The following DLGAP4 variants were observed in gnomAD, a reference collection of about 807,000 sequenced individuals.
The protein encoded by DLGAP4 is disks large-associated protein 4.
A neutral mutation model predicts 86.9 loss-of-function variants in DLGAP4; 18 were observed. The ratio of observed to expected loss-of-function variants is 0.21; its 90% confidence interval spans 0.14 to 0.31. The LOEUF (loss-of-function observed/expected upper bound fraction) is 0.31. Among genes scored for constraint, DLGAP4 ranks in the 10% least tolerant of loss-of-function variants. The pLI, the probability that DLGAP4 is intolerant of heterozygous loss-of-function variation, is 1.00. For missense variants in DLGAP4, 1,085 were observed against 1,362.6 expected, an observed-to-expected ratio of 0.80 and a Z score of 3.21; for synonymous variants, 548 against 574.3, an observed-to-expected ratio of 0.95 and a Z score of 0.65.
intron 10 of DLGAP4, among the ~76,000 whole-genome samples, chr20:36,513,126 G>C (rs1433366472): frequency 1.3e-5 from 2 of 150,956 alleles, no homozygotes; most frequent in Non-Finnish European, 3.0e-5. Context: ...GTTTTACCAA[G>C]TTGCCCAGGC....
chr20:36,426,725 A>G (rs1391507696), intron 2 of DLGAP4, among the ~76,000 whole-genome samples: 3 of 152,184 alleles, frequency 2.0e-5, no homozygotes, highest in Non-Finnish European at 4.4e-5. Context: ...GGCAAATTTT[A>G]TGTTACATGT....
chr20:36,464,506 A>G (rs918821589), intron 7 of DLGAP4, among the ~76,000 whole-genome samples: 1 of 151,452 alleles, frequency 6.6e-6, no homozygotes, highest in African/African-American at 2.4e-5. Flanking sequence ...GGAGGTCGAG[A>G]CTGCAGTGAG....
At chr20:36,352,740 G>C (rs1274523174) in intron 1 of DLGAP4, among the ~76,000 whole-genome samples, 2 of 152,042 alleles carry the variant, frequency 1.3e-5, no homozygotes, top group Non-Finnish European at 1.5e-5. Context: ...TCTAGAGTTT[G>C]GGGGAGGCCA....
chr20:36,525,768 A>G, intron 11 of DLGAP4, 83 bp from the exon 12 acceptor site: 1 of 1,579,166 alleles, frequency 6.3e-7, no homozygotes, highest in Admixed American at 1.7e-5. Context: ...CAGGGCCCAG[A>G]GGAACCCTGC....
intron 1 of DLGAP4, among the ~76,000 whole-genome samples, chr20:36,310,103 G>A (rs1332291641): frequency 6.6e-6 from 1 of 151,836 alleles, no homozygotes; most frequent in African/African-American, 2.4e-5. Context: ...GGAGGCCAAG[G>A]TGGGAGGATT....
At chr20:36,322,558 G>A (rs1416914244) in intron 1 of DLGAP4, among the ~76,000 whole-genome samples, 1 of 152,168 alleles carries the variant, frequency 6.6e-6, no homozygotes, top group Non-Finnish European at 1.5e-5. Context: ...GATGAAGTGA[G>A]GTAATAAAGT....
intron 7 of DLGAP4, among the ~76,000 whole-genome samples, chr20:36,452,455 C>T (rs1170950584): frequency 6.6e-6 from 1 of 152,050 alleles, no homozygotes; most frequent in Non-Finnish European, 1.5e-5. Context: ...ACTGGGATTA[C>T]AGGTGTGAGC....
chr20:36,488,256 G>T (rs1045803654), intron 7 of DLGAP4, among the ~76,000 whole-genome samples: 2 of 151,328 alleles, frequency 1.3e-5, no homozygotes, highest in Non-Finnish European at 2.9e-5. Flanking sequence ...GTAGTGGTCA[G>T]CCTTCAGGCA....
rs2031845332 is a variant in DLGAP4 at position 36,393,341 on chromosome 20, C to T, written c.-73+26066C>T. Among the ~76,000 whole-genome samples the T allele has an allele frequency of 6.6e-6, 1 of 152,078 alleles. No homozygotes were observed. The highest frequency in any genetic ancestry group is 1.5e-5 in the Non-Finnish European group (1 of 68,000). On this transcript the variant is annotated intron_variant, in intron 2 of 12. Transcript: ENST00000339266. This position sits in a 1 kb window ranked among gnomAD's most constrained non-coding sequence, Gnocchi z 4.4. ...GGTGAGAACCCCAAGCTCTACACTC[C>T]CTCGCTGTGTGGCCTAGGGTCTCCT...
chr20:36,461,703 C>CG, intron 7 of DLGAP4: 1 of 603,370 alleles, frequency 1.7e-6, no homozygotes, highest in Non-Finnish European at 2.0e-6. Context: ...CGCCCTCGCC[C>CG]TCCTCCTCCT....
At position 36,432,469 on chromosome 20, in the gene DLGAP4, G is replaced by T. The variant is rs1370019965; in HGVS notation, c.752G>T (p.Gly251Val). The T allele has an allele frequency of 6.2e-7, 1 of 1,613,528 alleles. No individual in the cohort carries two copies. The change falls in exon 3 of 13, where the codon GGG becomes GTG. Residue 251 changes from glycine (G) to valine (V), a missense_variant. Gly to Val is a moderately radical substitution (Grantham distance 109). Coordinates refer to ENST00000339266, the MANE Select transcript of DLGAP4 (RefSeq NM_001365621.2). The surrounding 1 kb of genome is among the most constrained non-coding windows in gnomAD (Gnocchi z 6.5). Reference protein sequence around the residue: ...YFMHAYNTISGHMLKTTKNNT... With the variant: ...YFMHAYNTISVHMLKTTKNNT... Reference sequence around the variant, plus strand: ...ATGCACGCCTACAACACCATCAGTGGGCACATGCTCAAAACCACCAAGAAC... The same window carrying T: ...ATGCACGCCTACAACACCATCAGTGTGCACATGCTCAAAACCACCAAGAAC...
intron 1 of DLGAP4, among the ~76,000 whole-genome samples, chr20:36,344,852 C>T (rs1391899538): frequency 1.3e-5 from 2 of 152,166 alleles, no homozygotes; most frequent in Non-Finnish European, 2.9e-5. Context: ...AGCTAAGGGT[C>T]CCCCCTCCTT....
intron 10 of DLGAP4, among the ~76,000 whole-genome samples, chr20:36,515,704 C>T (rs753838487): frequency 5.1e-4 from 78 of 152,324 alleles, no homozygotes; most frequent in South Asian, 1.2e-3. Flanking sequence ...GAATTACAGG[C>T]GTGAGCCACT....
At chr20:36,457,982 T>C (rs1177138332) in intron 7 of DLGAP4, among the ~76,000 whole-genome samples, 1 of 151,820 alleles carries the variant, frequency 6.6e-6, no homozygotes, top group African/African-American at 2.4e-5. Flanking sequence ...TGGGAAGCGC[T>C]CCAGGCGGGG....
chr20:36,464,064 G>A (rs2034229347), intron 7 of DLGAP4, among the ~76,000 whole-genome samples: 2 of 152,174 alleles, frequency 1.3e-5, no homozygotes, highest in Non-Finnish European at 1.5e-5. Flanking sequence ...TACTGTGTAC[G>A]CTGTGCTTGG....
intron 10 of DLGAP4, among the ~76,000 whole-genome samples, chr20:36,505,826 A>C (rs139467840): frequency 4.9e-4 from 74 of 152,136 alleles, no homozygotes; most frequent in African/African-American, 1.6e-3. Flanking sequence ...CTGTTCATTA[A>C]GCAGAAGTGG....
intron 7 of DLGAP4, chr20:36,493,101 T>TAGGCC (rs568660546): frequency 4.7e-5 from 7 of 149,682 alleles, no homozygotes; most frequent in Non-Finnish European, 1.0e-4. Context: ...ATGCCAAGCC[T>TAGGCC]AGGCCTGGCC....
intron 2 of DLGAP4, among the ~76,000 whole-genome samples, chr20:36,386,257 G>A (rs1301655360): frequency 6.6e-6 from 1 of 152,106 alleles, no homozygotes; most frequent in Non-Finnish European, 1.5e-5. Flanking sequence ...GTCATTCTGG[G>A]GCTCAAATCA....
chr20:36,499,758 A>T, intron 9 of DLGAP4, 82 bp downstream of exon 9: 12 of 1,304,160 alleles, frequency 9.2e-6, no homozygotes, highest in Non-Finnish European at 1.3e-5. Context: ...TCCCTAACCC[A>T]CTTCTCCTTG....
Sources: gnomAD v4.1 joint callset for allele counts (sites outside exome capture counted in the v4.1 genomes callset) on GRCh38, gnomAD v4.1.1 for gene constraint, Gnocchi (gnomAD v3.1) non-coding constraint, MANE v1.5 for transcripts, NCBI Gene and HGNC (gene_info 2026-07-23, HGNC 2026-07-21) for gene names.